Variants in TOP1 observed in about 807,000 individuals in gnomAD.
TOP1 encodes the protein DNA topoisomerase 1.
TOP1 carries 10 observed loss-of-function variants against 111.1 expected under a neutral mutation model. The ratio of observed to expected loss-of-function variants is 0.09; its 90% CI spans 0.06 to 0.15. The LOEUF (loss-of-function observed/expected upper bound fraction) is 0.15. TOP1 is among the 10% of genes least tolerant of loss of function. The pLI is 1.00. For missense variants in TOP1, 474 were observed against 926.7 expected (o/e 0.51, Z 6.34); for synonymous variants, 271 against 302.9 (o/e 0.89, Z 1.10).
intron 3 of TOP1, among the ~76,000 whole-genome samples, chr20:41,073,800 A>G (rs1015625408): frequency 6.6e-6 from 1 of 152,182 alleles, no homozygotes; most frequent in South Asian, 2.1e-4. Context: ...ACCAAGTACA[A>G]TGCTTGCTTA....
intron 2 of TOP1, among the ~76,000 whole-genome samples, chr20:41,045,393 TAAG>T (rs1568673588): frequency 6.6e-6 from 1 of 152,146 alleles, no homozygotes; most frequent in Non-Finnish European, 1.5e-5. Flanking sequence ...TTGTAAGTCC[TAAG>T]AGGACTTACA....
In TOP1 at chr20:41,123,848, G is replaced by A. The variant is rs1600609955; in HGVS notation, c.*551G>A. ...AATTTTCATTAAACTTGAAGCAGTCGTGGCTTTGGCAGTGTTTTGGTTCAG... is the reference window on the plus strand; with the variant it reads ...AATTTTCATTAAACTTGAAGCAGTCATGGCTTTGGCAGTGTTTTGGTTCAG... On this transcript the variant is annotated 3_prime_UTR_variant, in exon 21 of 21. Transcript: ENST00000361337. The surrounding 1 kb of genome is among the most constrained non-coding windows in gnomAD (Gnocchi z 5.8). The A allele has an allele frequency of 4.3e-6, 1 of 232,676 alleles. No individual in the cohort carries two copies. The allele number at this position is 232,676 out of a possible 1,614,324, so 14.4% of individuals were successfully genotyped here. A position where few individuals can be genotyped will look rare whatever the true frequency, so the allele number is the denominator to read the frequency against.
At chr20:41,073,422 A>T (rs539945774) in intron 3 of TOP1, 3 of 985,038 alleles carry the variant, frequency 3.0e-6, no homozygotes, top group East Asian at 2.3e-4. Context: ...GAAACAAGCA[A>T]CCCCAAAGGT....
chr20:41,079,984 A>C lies in TOP1; in HGVS notation c.336-101A>C. 1.3e-6 allele frequency: 1 copy of C among 756,472 alleles called. No individual in the cohort carries two copies. Among genetic ancestry groups the C allele is most frequent in the Non-Finnish European group, 2.3e-6 (1 of 441,514 alleles). 46.9% of individuals were successfully genotyped at this position (756,472 alleles called of 1,614,324 possible). A position where few individuals can be genotyped will look rare whatever the true frequency, so the allele number is the denominator to read the frequency against. On this transcript the variant is annotated intron_variant, in intron 5 of 20. Coordinates refer to ENST00000361337, the MANE Select transcript of TOP1 (RefSeq NM_003286.4). This position sits in a 1 kb window ranked among gnomAD's most constrained non-coding sequence, Gnocchi z 4.0. ...TCATGATATGTACGTGGTTATCCTTATTTCTGTTAGCTTCTTTTCAACGAA... is the reference window on the plus strand; with the variant it reads ...TCATGATATGTACGTGGTTATCCTTCTTTCTGTTAGCTTCTTTTCAACGAA...
chr20:41,036,514 T>G (rs146678192), intron 2 of TOP1, among the ~76,000 whole-genome samples: 57 of 152,362 alleles, frequency 3.7e-4, no homozygotes, highest in Middle Eastern at 3.4e-3. Context: ...CTCTCTGTCC[T>G]CATTGTAAAA....
At chr20:41,104,315 G>A (rs2145956022) in intron 13 of TOP1, among the ~76,000 whole-genome samples, 1 of 152,266 alleles carries the variant, frequency 6.6e-6, no homozygotes, top group Non-Finnish European at 1.5e-5. Flanking sequence ...GACTGGATTG[G>A]ACACAAACAA....
chr20:41,109,272 A>G lies in TOP1; in HGVS notation c.1309-3510A>G, dbSNP rs534650451. ...AGACACAAGCTCATTAAAAATATAT[A>G]TATATTCTGAGCCTGGCATCTTGGT... On this transcript the variant is annotated intron_variant, in intron 13 of 20. Coordinates refer to ENST00000361337, the MANE Select transcript of TOP1 (RefSeq NM_003286.4). This position sits in a 1 kb window ranked among gnomAD's most constrained non-coding sequence, Gnocchi z 4.1. Among the ~76,000 whole-genome samples, 13 of 152,308 alleles carry G rather than the reference A, an allele frequency of 8.5e-5. No individual in the cohort carries two copies. In the South Asian group the frequency reaches 2.5e-3, roughly 29 times the overall value.
chr20:41,054,342 C>T (rs1052977721), intron 2 of TOP1, among the ~76,000 whole-genome samples: 1 of 152,084 alleles, frequency 6.6e-6, no homozygotes, highest in African/African-American at 2.4e-5. Flanking sequence ...CTTCTCCTTG[C>T]TGCCATCATT....
In TOP1 at chr20:41,116,586, A is replaced by G. The variant is rs1340643021; in HGVS notation, c.1822+194A>G. ...GGATCAATGCTGTTTCCCCCTTCCCACCCCAACTTCAAGATTAATTTCATG... is the reference window on the plus strand; with the variant it reads ...GGATCAATGCTGTTTCCCCCTTCCCGCCCCAACTTCAAGATTAATTTCATG... On this transcript the variant is annotated intron_variant, in intron 17 of 20. Transcript: ENST00000361337. The surrounding 1 kb of genome is among the most constrained non-coding windows in gnomAD (Gnocchi z 5.6). 6.6e-6 allele frequency among the ~76,000 whole-genome samples: 1 copy of G among 151,804 alleles called. No individual in the cohort carries two copies. The highest frequency in any genetic ancestry group is 6.6e-5 in the Admixed American group (1 of 15,224).
In TOP1 at chr20:41,061,421, A is replaced by G; in HGVS notation, c.86A>G (p.Lys29Arg). The G allele has an allele frequency of 6.2e-7, 1 of 1,613,882 alleles. No homozygotes were observed. The highest frequency in any genetic ancestry group is 8.5e-7 in the Non-Finnish European group (1 of 1,179,850). Residue 29 changes from lysine (K) to arginine (R), a missense_variant, in exon 3 of 21, where the codon AAA becomes AGA. Lys to Arg is a conservative substitution (Grantham distance 26). Coordinates refer to ENST00000361337, the MANE Select transcript of TOP1 (RefSeq NM_003286.4). The surrounding 1 kb of genome is among the most constrained non-coding windows in gnomAD (Gnocchi z 4.6). ...TCTCATAAACACAAAGATAAACACA[A>G]AGATCGAGAACACCGGCACAAAGAA... is the stretch of plus-strand genomic sequence containing the variant. ...NDSHKHKDKH[K>R]DREHRHKEHK...
chr20:41,076,315 G>A (rs902026450), intron 4 of TOP1, 21 bp downstream of exon 4: 1 of 1,591,234 alleles, frequency 6.3e-7, no homozygotes, highest in African/African-American at 1.4e-5. Context: ...TTCTAGTAGG[G>A]GAGGAAGGAA....
chr20:41,065,015 C>T (rs1210852403), intron 3 of TOP1, among the ~76,000 whole-genome samples: 1 of 152,150 alleles, frequency 6.6e-6, no homozygotes, highest in Non-Finnish European at 1.5e-5. Flanking sequence ...AGTGATTCTC[C>T]TGCCTCTGCC....
At position 41,061,240 on chromosome 20, in the gene TOP1, T is replaced by G. The variant is rs988176790; in HGVS notation, c.59-154T>G. On this transcript the variant is annotated intron_variant, in intron 2 of 20. Coordinates refer to ENST00000361337, the MANE Select transcript of TOP1 (RefSeq NM_003286.4). The surrounding 1 kb of genome is among the most constrained non-coding windows in gnomAD (Gnocchi z 4.6). ...GGCTAATGGGAGCTTTGTCTGGGCT[T>G]CTTTGTGAAAGCTTTTTTTTTCAGT... 9.9e-5 allele frequency among the ~76,000 whole-genome samples: 15 copies of G among 152,148 alleles called. No homozygotes were observed. Among genetic ancestry groups the G allele is most frequent in the African/African-American group, 3.6e-4 (15 of 41,422 alleles).
rs2033962879 is a variant in TOP1, at chr20:41,094,782, G to C, written c.730+2195G>C. Among the ~76,000 whole-genome samples, 1 of 152,172 alleles carries C rather than the reference G, an allele frequency of 6.6e-6. No homozygotes were observed. Among genetic ancestry groups the C allele is most frequent in the South Asian group, 2.1e-4 (1 of 4,834 alleles). Reference sequence around the variant, plus strand: ...AACTTGCCAGGGAGGTGGGGCATGGGCTAGCTGAAGCAGTGAATTACTGCC... The same window carrying C: ...AACTTGCCAGGGAGGTGGGGCATGGCCTAGCTGAAGCAGTGAATTACTGCC... On this transcript the variant is annotated intron_variant, in intron 9 of 20. Transcript: ENST00000361337. The surrounding 1 kb of genome is among the most constrained non-coding windows in gnomAD (Gnocchi z 4.4).
intron 13 of TOP1, among the ~76,000 whole-genome samples, chr20:41,111,786 G>A (rs569567994): frequency 6.6e-6 from 1 of 152,040 alleles, no homozygotes; most frequent in East Asian, 1.9e-4. Context: ...AGAGATTCTT[G>A]GATTCTTAAA....
At chr20:41,113,358 CCCT>C (rs2034272992) in intron 14 of TOP1, among the ~76,000 whole-genome samples, 1 of 152,156 alleles carries the variant, frequency 6.6e-6, no homozygotes, top group South Asian at 2.1e-4. Context: ...TAGCAGCACT[CCCT>C]CATTTGCTGC....
rs1165976991 is a variant in TOP1, at chr20:41,097,109, T to A, written c.731-111T>A. The A allele has an allele frequency of 8.4e-7, 1 of 1,185,152 alleles. No individual in the cohort carries two copies. The highest frequency in any genetic ancestry group is 1.2e-6 in the Non-Finnish European group (1 of 846,324). The allele number at this position is 1,185,152 out of a possible 1,614,324, so 73.4% of individuals were successfully genotyped here. ...TTGCTACTATGTGTCACCAGACCTT[T>A]ATATACCATGAGAAGGCAAACCATT... On this transcript the variant is annotated intron_variant, in intron 9 of 20. Transcript: ENST00000361337. The surrounding 1 kb of genome is among the most constrained non-coding windows in gnomAD (Gnocchi z 4.2).
chr20:41,032,708 G>A lies in TOP1; in HGVS notation c.58+3253G>A, dbSNP rs2033136153. Among the ~76,000 whole-genome samples, 1 of 152,184 alleles carries A rather than the reference G, an allele frequency of 6.6e-6. No individual in the cohort carries two copies. The highest frequency in any genetic ancestry group is 6.5e-5 in the Admixed American group (1 of 15,278). The stretch of plus-strand genomic sequence containing the variant: ...TTGACATCATCTTGTGCTGATTCTG[G>A]TTGGCTTAATGGAATCAAATTGGAT... On this transcript the variant is annotated intron_variant, in intron 2 of 20. Transcript: ENST00000361337. The surrounding 1 kb of genome is among the most constrained non-coding windows in gnomAD (Gnocchi z 4.3).
Position 41,101,485 on chromosome 20 carries a change from T to G in TOP1, c.1308+132T>G. On this transcript the variant is annotated intron_variant, in intron 13 of 20. Transcript: ENST00000361337. The surrounding 1 kb of genome is among the most constrained non-coding windows in gnomAD (Gnocchi z 4.1). The stretch of plus-strand genomic sequence containing the variant: ...TCCCCATTGAAAGAAGGCAAGTACT[T>G]TCATAGTTAGCATTATGGTGATCTT... 1 of 984,550 alleles carries G rather than the reference T, an allele frequency of 1.0e-6. No homozygotes were observed. The highest frequency in any genetic ancestry group is 1.5e-6 in the Non-Finnish European group (1 of 683,458). The allele number at this position is 984,550 out of a possible 1,614,324, so 61.0% of individuals were successfully genotyped here. A position where few individuals can be genotyped will look rare whatever the true frequency, so the allele number is the denominator to read the frequency against.
Sources: gnomAD v4.1 joint callset for allele counts (sites outside exome capture counted in the v4.1 genomes callset) on GRCh38, gnomAD v4.1.1 for gene constraint, Gnocchi (gnomAD v3.1) non-coding constraint, MANE v1.5 for transcripts, NCBI Gene and HGNC (gene_info 2026-07-23, HGNC 2026-07-21) for gene names.